The following PPFIBP1 variants were observed in gnomAD, a reference collection of about 807,000 sequenced individuals.
PPFIBP1 encodes PPFIB scaffold protein 1.
In PPFIBP1, 112 loss-of-function variants were observed where a neutral mutation model predicts 137.8. That is an observed-to-expected ratio of 0.81 (90% CI 0.70 to 0.95). The LOEUF (loss-of-function observed/expected upper bound fraction) is 0.95. PPFIBP1 is among the 40% of genes least tolerant of loss of function. PPFIBP1 has a pLI of 0.00. For missense variants in PPFIBP1, 1,083 were observed against 1,196.6 expected (o/e 0.91, Z 1.40); for synonymous variants, 378 against 417.3 (o/e 0.91, Z 1.15).
chr12:27,615,114 C>T (rs1339299665), intron 2 of PPFIBP1, among the ~76,000 whole-genome samples: 1 of 152,196 alleles, frequency 6.6e-6, no homozygotes, highest in Non-Finnish European at 1.5e-5. Flanking sequence ...TTGGGCTGCT[C>T]ACCATATTTA....
chr12:27,582,178 GTT>G (rs1216220416), intron 2 of PPFIBP1, among the ~76,000 whole-genome samples: 1 of 152,020 alleles, frequency 6.6e-6, no homozygotes, highest in Non-Finnish European at 1.5e-5. Context: ...CAGAGGAAGA[GTT>G]TGCACATTTA....
At chr12:27,664,579 A>C (rs1364242111) in intron 12 of PPFIBP1, 133 bp downstream of exon 12, 1 of 662,910 alleles carries the variant, frequency 1.5e-6, no homozygotes, top group Admixed American at 2.4e-5. Context: ...TTAATTGAAC[A>C]ATTAGGCAAC....
intron 28 of PPFIBP1, among the ~76,000 whole-genome samples, chr12:27,692,214 A>G (rs534013008): frequency 1.3e-5 from 2 of 152,270 alleles, no homozygotes; most frequent in Admixed American, 6.5e-5. Context: ...AAGGTCCCCA[A>G]CCTGTCTCTT....
intron 5 of PPFIBP1, 65 bp downstream of exon 5, chr12:27,646,213 G>A (rs2058471930): frequency 7.7e-7 from 1 of 1,295,368 alleles, no homozygotes; most frequent in Non-Finnish European, 1.1e-6. Context: ...AAATTGGGGT[G>A]GCAAATTCAG....
chr12:27,658,022 C>T (rs916371513), intron 9 of PPFIBP1, among the ~76,000 whole-genome samples: 3 of 151,426 alleles, frequency 2.0e-5, no homozygotes, highest in Non-Finnish European at 2.9e-5. Context: ...TGTAATCCCA[C>T]CTACTTGGGA....
At chr12:27,547,542 C>A (rs1230421664) in intron 1 of PPFIBP1, 1 of 152,222 alleles carries the variant, frequency 6.6e-6, no homozygotes, top group Non-Finnish European at 1.5e-5. Flanking sequence ...TCCCTAGAAG[C>A]AGACTCTGAG....
chr12:27,543,791 C>A (rs938834242), intron 1 of PPFIBP1, among the ~76,000 whole-genome samples: 1 of 152,000 alleles, frequency 6.6e-6, no homozygotes, highest in African/African-American at 2.4e-5. Flanking sequence ...AAATGCCTCA[C>A]CCAATTGTAA....
At chr12:27,573,216 A>G (rs1292878288) in intron 1 of PPFIBP1, among the ~76,000 whole-genome samples, 2 of 152,360 alleles carry the variant, frequency 1.3e-5, no homozygotes, top group African/African-American at 4.8e-5. Flanking sequence ...AGAAAGCAAA[A>G]CAGACTTTTG....
intron 2 of PPFIBP1, chr12:27,584,214 C>T (rs151327196): frequency 3.3e-5 from 5 of 152,428 alleles, no homozygotes; most frequent in African/African-American, 9.6e-5. Context: ...TGACCTCACA[C>T]ACTGGTTTCG....
At chr12:27,616,503 T>C (rs1243032119) in intron 2 of PPFIBP1, among the ~76,000 whole-genome samples, 4 of 152,094 alleles carry the variant, frequency 2.6e-5, no homozygotes, top group African/African-American at 9.7e-5. Context: ...AAGCACTGGA[T>C]CGTAACACAG....
chr12:27,557,475 T>TCCAC lies in PPFIBP1; in HGVS notation c.-123-20674_-123-20671dup, dbSNP rs897630694. Among the ~76,000 whole-genome samples the TCCAC allele has an allele frequency of 1.8e-4, 27 of 152,232 alleles. 1 individual carries two copies. The highest frequency in any genetic ancestry group is 1.0e-3 in the South Asian group (5 of 4,822). Reference sequence around the variant, plus strand: ...TGGTCTCAATCTCCTGACCTCGTGATCCACCCGCCTTGGCACACGCCTGCT... The same window carrying TCCAC: ...TGGTCTCAATCTCCTGACCTCGTGATCCACCCACCCGCCTTGGCACACGCCTGCT... On this transcript the variant is annotated intron_variant, in intron 1 of 29. Transcript: ENST00000228425.
intron 1 of PPFIBP1, among the ~76,000 whole-genome samples, chr12:27,550,446 A>C (rs961963426): frequency 6.6e-6 from 1 of 152,198 alleles, no homozygotes; most frequent in Non-Finnish European, 1.5e-5. Flanking sequence ...GTCATATGTA[A>C]ATTTTTATTT....
At chr12:27,538,009 G>A (rs1423814603) in intron 1 of PPFIBP1, 1 of 152,078 alleles carries the variant, frequency 6.6e-6, no homozygotes, top group Non-Finnish European at 1.5e-5. Context: ...TTTTTTAGGA[G>A]AAATATTTCT....
At chr12:27,591,085 A>C (rs2052459630) in intron 2 of PPFIBP1, among the ~76,000 whole-genome samples, 1 of 152,050 alleles carries the variant, frequency 6.6e-6, no homozygotes, top group Admixed American at 6.6e-5. Context: ...ATTGAGCCTA[A>C]AGATCAAGAC....
chr12:27,676,889 T>A, intron 18 of PPFIBP1, 175 bp from the exon 19 acceptor site: 1 of 829,482 alleles, frequency 1.2e-6, no homozygotes, highest in Admixed American at 2.0e-5. Flanking sequence ...TGATAGTGGA[T>A]AAATTAACAT....
intron 4 of PPFIBP1, among the ~76,000 whole-genome samples, chr12:27,642,881 A>G (rs1330217500): frequency 6.6e-6 from 1 of 152,126 alleles, no homozygotes; most frequent in Non-Finnish European, 1.5e-5. Flanking sequence ...GCTTTCAGGA[A>G]GGAGTTAAGA....
intron 1 of PPFIBP1, among the ~76,000 whole-genome samples, chr12:27,557,661 A>C (rs1592445497): frequency 6.6e-6 from 1 of 152,316 alleles, no homozygotes; most frequent in East Asian, 1.9e-4. Flanking sequence ...AATATAAAAG[A>C]ACTCTGTCTT....
intron 24 of PPFIBP1, 137 bp from the exon 25 acceptor site, chr12:27,687,248 G>C: frequency 1.0e-6 from 1 of 1,000,872 alleles, no homozygotes; most frequent in East Asian, 2.9e-5. Flanking sequence ...AAATGGGAAA[G>C]TGGGTTCTGA....
chr12:27,540,707 A>G (rs1945558735), intron 1 of PPFIBP1, among the ~76,000 whole-genome samples: 2 of 152,232 alleles, frequency 1.3e-5, no homozygotes, highest in African/African-American at 2.4e-5. Flanking sequence ...CTGTTAGCAC[A>G]GTGATGTTCT....
Sources: gnomAD v4.1 joint callset for allele counts (sites outside exome capture counted in the v4.1 genomes callset) on GRCh38, gnomAD v4.1.1 for gene constraint, MANE v1.5 for transcripts, NCBI Gene and HGNC (gene_info 2026-07-23, HGNC 2026-07-21) for gene names.